The following CHD1L variants were observed in gnomAD, a reference collection of about 807,000 sequenced individuals.
The protein encoded by CHD1L is ATP-dependent chromatin remodeler CHD1L.
In CHD1L, 118 loss-of-function variants were observed where a neutral mutation model predicts 115.9. The ratio of observed to expected loss-of-function variants is 1.02; its 90% CI spans 0.88 to 1.19. CHD1L has a LOEUF of 1.19. Ranked by LOEUF, CHD1L falls within the 50% of genes most tolerant of loss-of-function variation. The probability of loss-of-function intolerance (pLI) is 0.00; values close to 1 mark genes in which losing one functional copy is unlikely to be tolerated. For synonymous variants in CHD1L, 411 were observed against 387.1 expected (o/e 1.06, Z -0.72); for missense variants, 1,179 against 1,065.3 (o/e 1.11, Z -1.49).
the CHD1L span, among the ~76,000 whole-genome samples, chr1:147,213,099 A>C: frequency 6.6e-6 from 1 of 152,174 alleles, no homozygotes; most frequent in African/African-American, 2.4e-5. Context: ...TTGTAAAACT[A>C]AATAGACTGC....
chr1:147,188,486 T>TCACTC, the CHD1L span, among the ~76,000 whole-genome samples: 1 of 140,128 alleles, frequency 7.1e-6, no homozygotes, highest in Non-Finnish European at 1.5e-5. Flanking sequence ...TCACACCACT[T>TCACTC]CACTCCAGCC....
chr1:147,178,932 T>C, the CHD1L span: 2 of 1,601,408 alleles, frequency 1.2e-6, no homozygotes, highest in African/African-American at 1.3e-5. Context: ...AAAAGAATGC[T>C]AAAGGTTCCA....
chr1:147,261,196 CTTCT>C (rs1671799941), intron 6 of CHD1L, among the ~76,000 whole-genome samples: 1 of 152,150 alleles, frequency 6.6e-6, no homozygotes, highest in Non-Finnish European at 1.5e-5. Context: ...ACAGTATCTC[CTTCT>C]GAGAGCTTGT....
At chr1:147,282,599 A>G (rs1166129509) in intron 15 of CHD1L, among the ~76,000 whole-genome samples, 1 of 152,150 alleles carries the variant, frequency 6.6e-6, no homozygotes, top group Non-Finnish European at 1.5e-5. Context: ...ATCTTTTTTA[A>G]AATTCCTTTA....
At chr1:147,291,766 G>C (rs1295134605) in intron 20 of CHD1L, among the ~76,000 whole-genome samples, 1 of 152,112 alleles carries the variant, frequency 6.6e-6, no homozygotes, top group Non-Finnish European at 1.5e-5. Flanking sequence ...GGCAGGTTTG[G>C]TTTCTCCCGA....
At chr1:147,242,563 C>T (rs72997590), upstream of CHD1L, 3,819 of 890,846 alleles carry the variant, frequency 4.3e-3, 103 homozygotes, top group African/African-American at 0.06. Flanking sequence ...AGCTCCGCTC[C>T]GGATATCTTG....
the CHD1L span, among the ~76,000 whole-genome samples, chr1:147,188,371 A>G: frequency 6.6e-6 from 1 of 151,960 alleles, no homozygotes; most frequent in Non-Finnish European, 1.5e-5. Flanking sequence ...AGAAAACACA[A>G]AAATTAGCTG....
At chr1:147,260,552 A>G (rs766527121) in intron 6 of CHD1L, 5 of 152,052 alleles carry the variant, frequency 3.3e-5, no homozygotes, top group African/African-American at 7.2e-5. Flanking sequence ...AGATGTTTCA[A>G]CTCTCTTTTG....
chr1:147,198,916 T>G, the CHD1L span, among the ~76,000 whole-genome samples: 1 of 150,822 alleles, frequency 6.6e-6, no homozygotes, highest in Admixed American at 6.6e-5. Context: ...GTATCCAATT[T>G]GTGGAGGAAC....
chr1:147,238,093 T>C (rs1664642295), upstream of CHD1L, among the ~76,000 whole-genome samples: 1 of 152,228 alleles, frequency 6.6e-6, no homozygotes, highest in Non-Finnish European at 1.5e-5. Flanking sequence ...TTATTACATG[T>C]TATTTCATGA....
At chr1:147,205,063 A>G in the CHD1L span, 1 of 630,804 alleles carries the variant, frequency 1.6e-6, no homozygotes, top group Admixed American at 2.8e-5. Flanking sequence ...CAGCCATACC[A>G]GACTACATGC....
At chr1:147,187,332 G>C in the CHD1L span, 1 of 900,328 alleles carries the variant, frequency 1.1e-6, no homozygotes, top group Non-Finnish European at 1.7e-6. Context: ...CCTGCTATTG[G>C]CTCAATATCA....
the CHD1L span, among the ~76,000 whole-genome samples, chr1:147,218,689 C>T: frequency 9.2e-5 from 14 of 152,266 alleles, no homozygotes; most frequent in African/African-American, 1.9e-4. Flanking sequence ...CAATCTAGCC[C>T]GGTTTATCTT....
intron 6 of CHD1L, among the ~76,000 whole-genome samples, chr1:147,262,880 A>G (rs1315739248): frequency 6.6e-6 from 1 of 151,980 alleles, no homozygotes; most frequent in Admixed American, 6.6e-5. Context: ...CAGTAATCCT[A>G]CTCCTACATT....
chr1:147,283,595 C>T (rs1559867320), intron 15 of CHD1L, among the ~76,000 whole-genome samples: 1 of 152,074 alleles, frequency 6.6e-6, no homozygotes, highest in Non-Finnish European at 1.5e-5. Flanking sequence ...AAATCAGACA[C>T]GATTATAGTT....
At chr1:147,224,991 C>G in the CHD1L span, 388 of 1,614,084 alleles carry the variant, frequency 2.4e-4, no homozygotes, top group Non-Finnish European at 3.0e-4. Context: ...AGAGCCCGCT[C>G]ACTCCTCCCC....
chr1:147,224,070 T>A, the CHD1L span: 1 of 371,658 alleles, frequency 2.7e-6, no homozygotes, highest in South Asian at 2.1e-5. Flanking sequence ...CTGCCTGCCC[T>A]GTGTCCCAAA....
intron 17 of CHD1L, 114 bp downstream of exon 17, chr1:147,285,601 C>T (rs1484605591): frequency 8.5e-7 from 1 of 1,172,512 alleles, no homozygotes; most frequent in African/African-American, 1.5e-5. Flanking sequence ...AAGTTGGTTC[C>T]TATTGGTAAC....
chr1:147,276,157 A>G lies in CHD1L; in HGVS notation c.1439A>G (p.Tyr480Cys). 6.2e-7 allele frequency: 1 copy of G among 1,614,180 alleles called. No individual in the cohort carries two copies. Among genetic ancestry groups the G allele is most frequent in the Non-Finnish European group, 8.5e-7 (1 of 1,180,012 alleles). The change falls in exon 14 of 23, where the codon TAT becomes TGT. Residue 480 changes from tyrosine (Y) to cysteine (C), a missense_variant. By Grantham distance (194) the Tyr-to-Cys change is radical (BLOSUM62 -2). Transcript: ENST00000369258. ...IGRDTVEEIVYRKAASKLQLT... is the reference protein window; with the variant it reads ...IGRDTVEEIVCRKAASKLQLT... ...CGAGACACTGTGGAAGAAATAGTCT[A>G]TAGGAAAGCAGCCTCCAAACTGCAG... is the stretch of plus-strand genomic sequence containing the variant.
Sources: allele counts gnomAD v4.1 joint callset (sites outside exome capture counted in the v4.1 genomes callset), GRCh38; gene constraint gnomAD v4.1.1; transcripts MANE v1.5; gene names NCBI Gene and HGNC (gene_info 2026-07-23, HGNC 2026-07-21).